Variants in VTA1 observed in about 807,000 individuals in gnomAD.
VTA1 encodes the protein vacuolar protein sorting-associated protein VTA1 homolog.
In VTA1, 24 loss-of-function variants were observed where a neutral mutation model predicts 36.9. That is an observed-to-expected ratio of 0.65 (90% CI 0.47 to 0.91). VTA1 has a LOEUF of 0.91. VTA1 is among the 40% of genes least tolerant of loss of function. The pLI, the probability that VTA1 is intolerant of heterozygous loss-of-function variation, is 0.00. For missense variants in VTA1, 393 were observed against 377.2 expected (o/e 1.04, Z -0.35); for synonymous variants, 142 against 130.2 (o/e 1.09, Z -0.62).
intron 4 of VTA1, among the ~76,000 whole-genome samples, chr6:142,179,276 A>G (rs1185958437): frequency 1.3e-5 from 2 of 152,044 alleles, no homozygotes; most frequent in Non-Finnish European, 1.5e-5. Context: ...CTTGATGGAG[A>G]TGTTAGATGT....
At chr6:142,192,586 A>T (rs186002882) in intron 5 of VTA1, among the ~76,000 whole-genome samples, 1 of 152,196 alleles carries the variant, frequency 6.6e-6, no homozygotes, top group Admixed American at 6.5e-5. Context: ...CCAGAATTAA[A>T]CATTCTCTCA....
chr6:142,170,473 GT>G, intron 4 of VTA1, 52 bp downstream of exon 4: 2 of 1,232,826 alleles, frequency 1.6e-6, no homozygotes, highest in Non-Finnish European at 1.1e-6. Flanking sequence ...TAATGTTTCT[GT>G]TTATCAATAT....
At chr6:142,204,884 C>T (rs1775759672) in intron 7 of VTA1, among the ~76,000 whole-genome samples, 1 of 150,088 alleles carries the variant, frequency 6.7e-6, no homozygotes, top group South Asian at 2.1e-4. Context: ...GCCACCACAC[C>T]CAGCAAATTT....
At chr6:142,196,728 G>C (rs1197770245) in intron 5 of VTA1, among the ~76,000 whole-genome samples, 2 of 151,810 alleles carry the variant, frequency 1.3e-5, no homozygotes, top group African/African-American at 4.8e-5. Flanking sequence ...CTTTTTTGTA[G>C]ACTCTTTTTT....
At chr6:142,200,877 C>T (rs761151376) in intron 6 of VTA1, among the ~76,000 whole-genome samples, 1 of 151,884 alleles carries the variant, frequency 6.6e-6, no homozygotes, top group Non-Finnish European at 1.5e-5. Context: ...CCTTACCAGT[C>T]AAATGATTAT....
Position 142,222,488 on chromosome 6 carries a change from C to A in VTA1, c.*3845C>A, listed in dbSNP as rs9689808. On this transcript the variant is annotated 3_prime_UTR_variant, in exon 8 of 8. Transcript: ENST00000367630. ...AGTTATGGGTCTTGAAAATTAATATCCTCAGATGTTTTTAGAATTTATATA... is the reference window on the plus strand; with the variant it reads ...AGTTATGGGTCTTGAAAATTAATATACTCAGATGTTTTTAGAATTTATATA... 1 of 151,982 alleles carries A rather than the reference C, an allele frequency of 6.6e-6. No individual in the cohort carries two copies. The highest frequency in any genetic ancestry group is 1.5e-5 in the Non-Finnish European group (1 of 67,992). 9.4% of individuals were successfully genotyped at this position (151,982 alleles called of 1,614,324 possible).
chr6:142,204,946 G>A (rs114431072), intron 7 of VTA1, among the ~76,000 whole-genome samples: 2,670 of 151,732 alleles, frequency 0.018, 81 homozygotes, highest in African/African-American at 0.061. Context: ...GGATGGTCTC[G>A]ATCTCTTGAC....
intron 4 of VTA1, among the ~76,000 whole-genome samples, chr6:142,175,206 T>G (rs1775096625): frequency 6.6e-6 from 1 of 152,100 alleles, no homozygotes; most frequent in Non-Finnish European, 1.5e-5. Context: ...TATTTTGAGC[T>G]TTTTTTCCCT....
rs529726969 is a variant in VTA1 at position 142,203,927 on chromosome 6, G to C, written c.698-58G>C. 125 of 1,400,420 alleles carry C rather than the reference G, an allele frequency of 8.9e-5. 2 individuals carry two copies. In the South Asian group the frequency reaches 1.4e-3, roughly 16 times the overall value. 86.7% of individuals were successfully genotyped at this position (1,400,420 alleles called of 1,614,324 possible). A position where few individuals can be genotyped will look rare whatever the true frequency, so the allele number is the denominator to read the frequency against. On this transcript the variant is annotated intron_variant, in intron 6 of 7. Transcript: ENST00000367630. Reference sequence around the variant, plus strand: ...CCTCATGATTTTTAAGTGCTGCCCTGCTGTATAATTAAAAGGTGTAATACT... The same window carrying C: ...CCTCATGATTTTTAAGTGCTGCCCTCCTGTATAATTAAAAGGTGTAATACT...
intron 4 of VTA1, among the ~76,000 whole-genome samples, chr6:142,181,094 A>AAAAAAT (rs1471429927): frequency 8.5e-4 from 31 of 36,428 alleles, no homozygotes; most frequent in Admixed American, 2.0e-3. Flanking sequence ...AAAAAAAAAA[A>AAAAAAT]ATATATATAT....
intron 4 of VTA1, among the ~76,000 whole-genome samples, chr6:142,188,033 GAGTA>G (rs1775377374): frequency 6.9e-6 from 1 of 145,628 alleles, no homozygotes; most frequent in Non-Finnish European, 1.5e-5. Flanking sequence ...TCAGCCTTTT[GAGTA>G]GCTGGGATTA....
chr6:142,213,000 C>T (rs1252854517), intron 7 of VTA1, among the ~76,000 whole-genome samples: 1 of 152,174 alleles, frequency 6.6e-6, no homozygotes, highest in East Asian at 1.9e-4. Context: ...ATACAAATAT[C>T]TCTTCTCAAT....
intron 4 of VTA1, among the ~76,000 whole-genome samples, chr6:142,181,543 A>C (rs1243115471): frequency 6.6e-6 from 1 of 150,802 alleles, no homozygotes; most frequent in South Asian, 2.1e-4. Flanking sequence ...GGAGAATCTG[A>C]GTAGAAGATA....
At chr6:142,154,556 G>A (rs1778626486) in intron 1 of VTA1, among the ~76,000 whole-genome samples, 1 of 152,080 alleles carries the variant, frequency 6.6e-6, no homozygotes, top group African/African-American at 2.4e-5. Flanking sequence ...CTGTTTTGCA[G>A]AGCATCTGTA....
intron 1 of VTA1, among the ~76,000 whole-genome samples, chr6:142,153,311 AT>A (rs1393213241): frequency 6.6e-6 from 1 of 152,050 alleles, no homozygotes; most frequent in Non-Finnish European, 1.5e-5. Flanking sequence ...TTATCTGTCG[AT>A]TGAGTAAACA....
Position 142,224,320 on chromosome 6 carries a change from G to C in VTA1, c.*5677G>C, listed in dbSNP as rs1027558686. On this transcript the variant is annotated 3_prime_UTR_variant, in exon 8 of 8. Transcript: ENST00000367630. ...CCCTCGGCTATGTTATTTGTATTGTGATATAGGGGATATTCGGAGTCCTCT... is the reference window on the plus strand; with the variant it reads ...CCCTCGGCTATGTTATTTGTATTGTCATATAGGGGATATTCGGAGTCCTCT... The C allele has an allele frequency of 1.3e-5, 2 of 152,204 alleles. No individual in the cohort carries two copies. The highest frequency in any genetic ancestry group is 1.3e-4 in the Admixed American group (2 of 15,278). 9.4% of individuals were successfully genotyped at this position (152,204 alleles called of 1,614,324 possible).
chr6:142,168,359 T>C (rs1582882109), intron 2 of VTA1, among the ~76,000 whole-genome samples: 1 of 152,128 alleles, frequency 6.6e-6, no homozygotes. Context: ...CATAAGTTAT[T>C]CTGTTTAATT....
At chr6:142,214,499 G>A (rs1399834469) in intron 7 of VTA1, among the ~76,000 whole-genome samples, 6 of 152,156 alleles carry the variant, frequency 3.9e-5, no homozygotes. Context: ...CACAAGAACA[G>A]CAAGGGGGAC....
At chr6:142,166,597 T>C (rs1387200051) in intron 2 of VTA1, among the ~76,000 whole-genome samples, 1 of 152,014 alleles carries the variant, frequency 6.6e-6, no homozygotes, top group African/African-American at 2.4e-5. Context: ...CCTCCTTTTA[T>C]AGGTGAAAAA....
Sources: allele counts gnomAD v4.1 joint callset (sites outside exome capture counted in the v4.1 genomes callset), GRCh38; gene constraint gnomAD v4.1.1; transcripts MANE v1.5; gene names NCBI Gene and HGNC (gene_info 2026-07-23, HGNC 2026-07-21).